Variants in PLCG2 observed in about 807,000 individuals in gnomAD.
PLCG2 encodes the protein phospholipase C gamma 2.
A neutral mutation model predicts 175.6 loss-of-function variants in PLCG2; 69 were observed. That is an observed-to-expected ratio of 0.39 (90% CI 0.32 to 0.48). The LOEUF (loss-of-function observed/expected upper bound fraction) is 0.48. Ranked by LOEUF, PLCG2 falls within the 20% of genes least tolerant of loss-of-function variation. The pLI is 0.91. For synonymous variants in PLCG2, 827 were observed against 624.0 expected, an observed-to-expected ratio of 1.33 and a Z score of -4.85; for missense variants, 1,798 against 1,650.9, an observed-to-expected ratio of 1.09 and a Z score of -1.54.
At chr16:81,901,138 C>T (rs1475149356) in intron 14 of PLCG2, among the ~76,000 whole-genome samples, 1 of 152,178 alleles carries the variant, frequency 6.6e-6, no homozygotes, top group African/African-American at 2.4e-5. Context: ...GAACCTTCCC[C>T]ATCCTCTCTC....
chr16:81,946,120 C>T, intron 30 of PLCG2, 55 bp from the exon 31 acceptor site: 1 of 1,402,524 alleles, frequency 7.1e-7, no homozygotes, highest in Non-Finnish European at 1.0e-6. Flanking sequence ...CAAAAAAAAT[C>T]TAAGGTCTGA....
intron 30 of PLCG2, among the ~76,000 whole-genome samples, chr16:81,945,622 T>TA (rs1911120183): frequency 6.6e-6 from 1 of 152,100 alleles, no homozygotes; most frequent in Middle Eastern, 3.2e-3. Context: ...CAGCCCCAAA[T>TA]AAAAAGAAAC....
At chr16:81,902,942 C>T (rs561050650) in intron 14 of PLCG2, among the ~76,000 whole-genome samples, 3 of 152,278 alleles carry the variant, frequency 2.0e-5, no homozygotes, top group South Asian at 2.1e-4. Flanking sequence ...ATCACAAGAA[C>T]AGCACGTGAA....
Position 81,842,405 on chromosome 16 carries a change from G to A in PLCG2, c.194-12039G>A, listed in dbSNP as rs117188390. Among the ~76,000 whole-genome samples, 71 of 152,308 alleles carry A rather than the reference G, an allele frequency of 4.7e-4. No homozygotes were observed. The East Asian group carries it at 0.013, about 28-fold the overall frequency. On this transcript the variant is annotated intron_variant, in intron 2 of 32. Transcript: ENST00000564138. ...CTCCCTCCCAGACTCGGAGCCGTCT[G>A]AGGGCAGGACTGTGTCTGTCTCTGC...
intron 2 of PLCG2, among the ~76,000 whole-genome samples, chr16:81,795,106 C>G (rs1030427423): frequency 1.3e-5 from 2 of 152,192 alleles, no homozygotes; most frequent in African/African-American, 4.8e-5. Context: ...GGGCAATGTG[C>G]TTGTCACTGG....
intron 2 of PLCG2, among the ~76,000 whole-genome samples, chr16:81,833,228 A>G (rs555850920): frequency 6.6e-6 from 1 of 152,206 alleles, no homozygotes; most frequent in African/African-American, 2.4e-5. Context: ...CCTTTAAAGA[A>G]GGAGTGCTTT....
intron 8 of PLCG2, 122 bp downstream of exon 8, chr16:81,881,075 C>T (rs747921337): frequency 9.3e-6 from 9 of 970,566 alleles, no homozygotes; most frequent in Non-Finnish European, 1.1e-5. Context: ...GGGCAGGGGG[C>T]CCCTGCTGGG....
intron 19 of PLCG2, among the ~76,000 whole-genome samples, chr16:81,915,643 A>G (rs1909808021): frequency 6.6e-6 from 1 of 152,164 alleles, no homozygotes; most frequent in Non-Finnish European, 1.5e-5. Flanking sequence ...CTTACCCTGA[A>G]TAAGCTAATA....
At chr16:81,790,497 T>C (rs1376819242) in intron 2 of PLCG2, among the ~76,000 whole-genome samples, 1 of 152,202 alleles carries the variant, frequency 6.6e-6, no homozygotes. Context: ...CCGCTCAGTC[T>C]CCTGCTGAGA....
At chr16:81,950,451 T>A (rs1911321780) in intron 31 of PLCG2, among the ~76,000 whole-genome samples, 1 of 152,160 alleles carries the variant, frequency 6.6e-6, no homozygotes, top group South Asian at 2.1e-4. Context: ...GACAACTGTA[T>A]AAAGAAAAAA....
chr16:81,916,527 T>C (rs951186710), intron 19 of PLCG2, among the ~76,000 whole-genome samples: 7 of 152,180 alleles, frequency 4.6e-5, no homozygotes, highest in African/African-American at 1.7e-4. Context: ...TTGAAATATG[T>C]ATACATGGTG....
chr16:81,895,918 T>A lies in PLCG2; in HGVS notation c.1184T>A (p.Val395Asp). The change falls in exon 13 of 33, where the codon GTT becomes GAT. Residue 395 changes from valine to aspartate, a missense_variant. By Grantham distance (152) the Val-to-Asp change is radical (BLOSUM62 -3). Transcript: ENST00000564138. ...VVQAIKDHAF[V>D]TSSFPVILSI... ...CAGGCCATCAAAGACCACGCCTTTG[T>A]TACCTCGAGGTCAGTTGGCTGATTT... is the stretch of plus-strand genomic sequence containing the variant. The A allele has an allele frequency of 6.2e-7, 1 of 1,614,056 alleles. No homozygotes were observed. The highest frequency in any genetic ancestry group is 8.5e-7 in the Non-Finnish European group (1 of 1,180,008).
At chr16:81,787,535 CTTT>C (rs34698199) in intron 2 of PLCG2, among the ~76,000 whole-genome samples, 16 of 141,440 alleles carry the variant, frequency 1.1e-4, no homozygotes, top group African/African-American at 1.8e-4. Flanking sequence ...GCCTTGCACT[CTTT>C]TTTTTTTTTT....
intron 30 of PLCG2, among the ~76,000 whole-genome samples, chr16:81,942,085 A>T (rs1910965287): frequency 6.6e-6 from 1 of 152,096 alleles, no homozygotes; most frequent in African/African-American, 2.4e-5. Context: ...GCTGTAACAG[A>T]TTTCTTTTTA....
rs746020068 is a variant in PLCG2 at position 81,900,633 on chromosome 16, C to T, written c.1215C>T (p.Ile405=). The change falls in exon 14 of 33, where the codon ATC becomes ATT. Residue 405 remains isoleucine (I), a synonymous_variant. Coordinates refer to ENST00000564138, the MANE Select transcript of PLCG2 (RefSeq NM_002661.5). ...GCAGCTTCCCAGTGATCCTGTCCAT[C>T]GAGGAGCACTGCAGCGTGGAGCAAC... The part of the protein sequence containing the change: ...VTSSFPVILS[I]EEHCSVEQQR... The T allele has an allele frequency of 2.4e-5, 38 of 1,599,700 alleles. No individual in the cohort carries two copies. The highest frequency in any genetic ancestry group is 3.0e-5 in the Non-Finnish European group (35 of 1,168,314).
chr16:81,849,009 A>G (rs772064423), intron 2 of PLCG2, among the ~76,000 whole-genome samples: 3 of 152,128 alleles, frequency 2.0e-5, no homozygotes, highest in East Asian at 1.9e-4. Context: ...CTAATGTCCT[A>G]TGGTAGGAAT....
In PLCG2 at chr16:81,869,278, T is replaced by A. The variant is rs1907397175; in HGVS notation, c.544T>A (p.Phe182Ile). The A allele has an allele frequency of 6.2e-7, 1 of 1,612,978 alleles. No homozygotes were observed. The highest frequency in any genetic ancestry group is 1.3e-5 in the African/African-American group (1 of 74,918). Reference sequence around the variant, plus strand: ...CAACTTTAAAGTGAGCAGTGCCAAGTTCCTTAAAGATAAGTTTGTGGTAAG... The same window carrying A: ...CAACTTTAAAGTGAGCAGTGCCAAGATCCTTAAAGATAAGTTTGTGGTAAG... The part of the protein sequence containing the change: ...LINFKVSSAK[F>I]LKDKFVEIGA... Residue 182 changes from phenylalanine (F) to isoleucine (I), a missense_variant, in exon 6 of 33, where the codon TTC (phenylalanine) becomes ATC (isoleucine). Transcript: ENST00000564138.
intron 2 of PLCG2, among the ~76,000 whole-genome samples, chr16:81,802,979 C>T (rs558049273): frequency 1.8e-4 from 28 of 152,194 alleles, no homozygotes; most frequent in African/African-American, 6.7e-4. Flanking sequence ...TTCATAATTT[C>T]CCCCAAATCC....
chr16:81,747,165 G>T (rs971818650), intron 1 of PLCG2, among the ~76,000 whole-genome samples: 1 of 152,174 alleles, frequency 6.6e-6, no homozygotes, highest in African/African-American at 2.4e-5. Flanking sequence ...GCATATATGT[G>T]CAGCTTCAGT....
Sources: gnomAD v4.1 joint callset for allele counts (sites outside exome capture counted in the v4.1 genomes callset) on GRCh38, gnomAD v4.1.1 for gene constraint, MANE v1.5 for transcripts, NCBI Gene and HGNC (gene_info 2026-07-23, HGNC 2026-07-21) for gene names.